SUCLA2: variants seen among roughly 807,000 people sequenced by gnomAD.
The protein encoded by SUCLA2 is succinate--CoA ligase [ADP-forming] subunit beta, mitochondrial.
A neutral mutation model predicts 54.8 loss-of-function variants in SUCLA2; 30 were observed. The ratio of observed to expected loss-of-function variants is 0.55; its 90% confidence interval spans 0.41 to 0.74. The LOEUF is 0.74. Among genes scored for constraint, SUCLA2 ranks in the 30% least tolerant of loss-of-function variants. SUCLA2 has a pLI of 0.00. For synonymous variants in SUCLA2, 172 were observed against 188.9 expected (o/e 0.91, Z 0.74); for missense variants, 476 against 562.9 (o/e 0.85, Z 1.56).
intron 1 of SUCLA2, among the ~76,000 whole-genome samples, chr13:47,999,336 T>G (rs1276763697): frequency 6.6e-6 from 1 of 152,194 alleles, no homozygotes; most frequent in Non-Finnish European, 1.5e-5. Flanking sequence ...AGACATATGC[T>G]GAAATATCTA....
chr13:47,971,945 C>T, intron 5 of SUCLA2: 1 of 398,368 alleles, frequency 2.5e-6, no homozygotes, highest in African/African-American at 2.1e-5. Flanking sequence ...ACCTATGAGA[C>T]TTATCAGTCA....
intron 2 of SUCLA2, among the ~76,000 whole-genome samples, chr13:47,989,782 A>C (rs949706405): frequency 6.6e-6 from 1 of 152,196 alleles, no homozygotes; most frequent in South Asian, 2.1e-4. Flanking sequence ...ATACTGATTT[A>C]TACTGTCCCA....
chr13:47,989,126 T>C (rs1173931155), intron 2 of SUCLA2, 145 bp from the exon 3 acceptor site: 1 of 808,728 alleles, frequency 1.2e-6, no homozygotes, highest in Non-Finnish European at 2.0e-6. Flanking sequence ...ATTCTCTTTA[T>C]GTAGATTTTC....
intron 10 of SUCLA2, among the ~76,000 whole-genome samples, chr13:47,945,441 A>AAAAAG (rs1949722004): frequency 6.8e-6 from 1 of 147,620 alleles, no homozygotes; most frequent in Non-Finnish European, 1.5e-5. Context: ...AAAAAAAAAA[A>AAAAAG]AAATCAAGAA....
chr13:47,968,508 A>G lies in SUCLA2; in HGVS notation c.802+87T>C, dbSNP rs77320130. On this transcript the variant is annotated intron_variant, in intron 6 of 10. Transcript: ENST00000646932. Reference sequence around the variant, plus strand: ...CTTCTACATAGGTAGAAGTTTAACTACTTTAACTTCTATGATTTAACTTCC... The same window carrying G: ...CTTCTACATAGGTAGAAGTTTAACTGCTTTAACTTCTATGATTTAACTTCC... 9,882 of 1,508,858 alleles carry G rather than the reference A, an allele frequency of 6.5e-3. 497 individuals carry two copies. The African/African-American group carries it at 0.11, about 17-fold the overall frequency. 93.5% of individuals were successfully genotyped at this position (1,508,858 alleles called of 1,614,324 possible). A position where few individuals can be genotyped will look rare whatever the true frequency, so the allele number is the denominator to read the frequency against.
chr13:47,955,535 AT>A (rs1949813677), intron 6 of SUCLA2, among the ~76,000 whole-genome samples: 1 of 152,186 alleles, frequency 6.6e-6, no homozygotes, highest in Non-Finnish European at 1.5e-5. Context: ...TAAGCTAAGA[AT>A]GGATTTTACA....
intron 6 of SUCLA2, among the ~76,000 whole-genome samples, chr13:47,957,133 T>C (rs1366239649): frequency 6.6e-6 from 1 of 152,188 alleles, no homozygotes; most frequent in Non-Finnish European, 1.5e-5. Context: ...TCATTCATCA[T>C]GATTGCTTCC....
chr13:47,949,662 A>C lies in SUCLA2; in HGVS notation c.1108-59T>G, dbSNP rs41284201. ...AAAAGAAATTTAAGTTCTTTTCCCCAAAAAATACTAGTATATGTGCTTCAT... is the reference window on the plus strand; with the variant it reads ...AAAAGAAATTTAAGTTCTTTTCCCCCAAAAATACTAGTATATGTGCTTCAT... On this transcript the variant is annotated intron_variant, in intron 8 of 10. Transcript: ENST00000646932. The C allele has an allele frequency of 0.018, 26,973 of 1,537,116 alleles. 276 individuals carry two copies. Among genetic ancestry groups the C allele is most frequent in the Non-Finnish European group, 0.02 (22,523 of 1,112,742 alleles).
At position 47,988,945 on chromosome 13, in the gene SUCLA2, G is replaced by A; in HGVS notation, c.308C>T (p.Ala103Val). The change falls in exon 3 of 11, where the codon GCT becomes GTT. Residue 103 changes from alanine to valine, a missense_variant. By Grantham distance (64) the Ala-to-Val change is moderately conservative. Transcript: ENST00000646932. Reference sequence around the variant, plus strand: ...AAATGTTCCTTTTCCTCTACCACCAGCTAAAACCTGTGCCTTTATCACGAC... The same window carrying A: ...AAATGTTCCTTTTCCTCTACCACCAACTAAAACCTGTGCCTTTATCACGAC... The part of the protein sequence containing the change: ...KDVVIKAQVL[A>V]GGRGKGTFES... The A allele has an allele frequency of 6.2e-7, 1 of 1,613,542 alleles. No individual in the cohort carries two copies. The highest frequency in any genetic ancestry group is 8.5e-7 in the Non-Finnish European group (1 of 1,179,962).
intron 1 of SUCLA2, 143 bp downstream of exon 1, chr13:48,001,037 C>G: frequency 6.7e-7 from 1 of 1,494,034 alleles, no homozygotes; most frequent in Non-Finnish European, 9.0e-7. Flanking sequence ...GCAGCACTCC[C>G]AGGCAAGTCG....
At chr13:47,981,936 G>GACTGCACT (rs1360385938) in intron 4 of SUCLA2, among the ~76,000 whole-genome samples, 1 of 152,204 alleles carries the variant, frequency 6.6e-6, no homozygotes, top group African/African-American at 2.4e-5. Flanking sequence ...AGTGAGCCGA[G>GACTGCACT]ACTGCACTAC....
At position 47,973,308 on chromosome 13, in the gene SUCLA2, G is replaced by A; in HGVS notation, c.619C>T (p.Pro207Ser). 6.2e-7 allele frequency: 1 copy of A among 1,613,370 alleles called. No homozygotes were observed. Among genetic ancestry groups the A allele is most frequent in the Non-Finnish European group, 8.5e-7 (1 of 1,179,606 alleles). The part of the protein sequence containing the change: ...AESPEAIIKE[P>S]IDIEEGIKKE... ...TTGATGCCTTCTTCAATATCAATAG[G>A]TTCTTTAATTATTGCTTCAGGAGAC... The change falls in exon 5 of 11, where the codon CCT becomes TCT. Residue 207 changes from proline to serine, a missense_variant. Pro to Ser is a moderately conservative substitution (Grantham distance 74). Transcript: ENST00000646932.
intron 4 of SUCLA2, 192 bp downstream of exon 4, chr13:47,988,346 CATG>C (rs1950121049): frequency 1.7e-6 from 1 of 585,454 alleles, no homozygotes; most frequent in East Asian, 3.0e-5. Context: ...ATTTTAAGAT[CATG>C]ATATTATATA....
chr13:47,969,095 G>A (rs552889268), intron 5 of SUCLA2, among the ~76,000 whole-genome samples: 5 of 152,154 alleles, frequency 3.3e-5, no homozygotes, highest in East Asian at 1.9e-4. Flanking sequence ...AATGTGAGCC[G>A]GGCACAGTGG....
chr13:47,946,544 A>G (rs1410464627), intron 10 of SUCLA2, among the ~76,000 whole-genome samples: 2 of 151,942 alleles, frequency 1.3e-5, no homozygotes, highest in African/African-American at 2.4e-5. Flanking sequence ...TCCACTTTGG[A>G]ATCATGTAAA....
intron 6 of SUCLA2, among the ~76,000 whole-genome samples, chr13:47,968,312 G>A (rs1349483529): frequency 2.0e-5 from 3 of 152,106 alleles, no homozygotes; most frequent in Non-Finnish European, 4.4e-5. Context: ...TAATAACTAC[G>A]TGTGGCTGAT....
chr13:47,943,679 C>T (rs1193163945), intron 10 of SUCLA2, among the ~76,000 whole-genome samples: 1 of 150,912 alleles, frequency 6.6e-6, no homozygotes, highest in Non-Finnish European at 1.5e-5. Flanking sequence ...GTTATACCAC[C>T]TGCTAGGATT....
At chr13:47,975,831 G>A (rs1458486126) in intron 4 of SUCLA2, among the ~76,000 whole-genome samples, 1 of 152,170 alleles carries the variant, frequency 6.6e-6, no homozygotes, top group Admixed American at 6.5e-5. Context: ...ACTCAGGTGG[G>A]CAATGGCCAT....
intron 1 of SUCLA2, among the ~76,000 whole-genome samples, chr13:48,000,137 G>GA (rs10714629): frequency 0.15 from 13,917 of 94,060 alleles, 758 homozygotes; most frequent in Middle Eastern, 0.24. Flanking sequence ...CAATAAAAAT[G>GA]AAAAAAAAAA....
Sources: gnomAD v4.1 joint callset for allele counts (sites outside exome capture counted in the v4.1 genomes callset) on GRCh38, gnomAD v4.1.1 for gene constraint, MANE v1.5 for transcripts, NCBI Gene and HGNC (gene_info 2026-07-23, HGNC 2026-07-21) for gene names.